The following TCF20 variants were observed in gnomAD, a reference collection of about 807,000 sequenced individuals.
TCF20 encodes transcription factor 20.
TCF20 carries 3 observed loss-of-function variants against 148.6 expected under a neutral mutation model. That is an observed-to-expected ratio of 0.02 (90% confidence interval 0.01 to 0.05). The LOEUF is 0.05. Ranked by LOEUF, TCF20 falls within the 10% of genes least tolerant of loss-of-function variation. The pLI is 1.00. For missense variants in TCF20, 2,350 were observed against 2,429.3 expected, an observed-to-expected ratio of 0.97 and a Z score of 0.69; for synonymous variants, 1,049 against 909.5, an observed-to-expected ratio of 1.15 and a Z score of -2.76.
rs151168657 is a variant in TCF20 at position 42,333,884 on chromosome 22, C to T, written c.-37+9595G>A. The stretch of plus-strand genomic sequence containing the variant: ...ACCACGATGGCTCCTCCAGGTGCCA[C>T]TGGGACACAGGACCATAGGCACAAG... On this transcript the variant is annotated intron_variant, in intron 1 of 1. Coordinates refer to the TCF20 transcript ENST00000515426. Among the ~76,000 whole-genome samples, 739 of 152,364 alleles carry T rather than the reference C, an allele frequency of 4.9e-3. 3 individuals carry two copies. Among genetic ancestry groups the T allele is most frequent in the African/African-American group, 0.016 (684 of 41,592 alleles).
At chr22:42,271,479 G>C (rs1926619187), upstream of TCF20, among the ~76,000 whole-genome samples, 1 of 152,158 alleles carries the variant, frequency 6.6e-6, no homozygotes, top group Non-Finnish European at 1.5e-5. Flanking sequence ...GCAAAGGAAG[G>C]GCTTGACTTC....
At chr22:42,191,585 A>T (rs1937338499) in intron 2 of TCF20, among the ~76,000 whole-genome samples, 1 of 152,198 alleles carries the variant, frequency 6.6e-6, no homozygotes, top group African/African-American at 2.4e-5. Context: ...CACTGCACCC[A>T]GCCTGCATTT....
intron 4 of TCF20, among the ~76,000 whole-genome samples, chr22:42,169,562 G>C (rs1202475980): frequency 6.6e-6 from 1 of 152,202 alleles, no homozygotes; most frequent in Non-Finnish European, 1.5e-5. Flanking sequence ...TGGCTTGATC[G>C]AGTTAGATAT....
intron 1 of TCF20, 126 bp from the exon 2 acceptor site, chr22:42,215,467 ATTTT>A: frequency 1.6e-5 from 16 of 1,012,368 alleles, no homozygotes; most frequent in Non-Finnish European, 2.1e-5. Context: ...TTGAATTTCT[ATTTT>A]TTTTTTTTGG....
Position 42,323,910 on chromosome 22 carries a change from G to GGTGGTGGTA in TCF20, c.-37+19568_-37+19569insTACCACCAC, listed in dbSNP as rs1163923849. On this transcript the variant is annotated intron_variant, in intron 1 of 1. Coordinates refer to the TCF20 transcript ENST00000515426. The stretch of plus-strand genomic sequence containing the variant: ...TGGAGGTTATGGTGGTGGAGGTGGT[G>GGTGGTGGTA]GTGGTGATGGAGGTTATGGTGGTGG... 2.6e-4 allele frequency among the ~76,000 whole-genome samples: 33 copies of GGTGGTGGTA among 126,354 alleles called. 3 individuals carry two copies. In the East Asian group the frequency reaches 5.9e-3, roughly 23 times the overall value. 82.9% of individuals were successfully genotyped at this position (126,354 alleles called of 152,430 possible). A position where few individuals can be genotyped will look rare whatever the true frequency, so the allele number is the denominator to read the frequency against.
intron 1 of TCF20, among the ~76,000 whole-genome samples, chr22:42,262,343 G>A (rs1244816453): frequency 1.3e-5 from 2 of 152,154 alleles, no homozygotes; most frequent in Non-Finnish European, 2.9e-5. Flanking sequence ...AGCACTGACA[G>A]TAACTTGATG....
intron 2 of TCF20, among the ~76,000 whole-genome samples, chr22:42,188,065 A>G (rs8141134): frequency 0.75 from 114,169 of 151,558 alleles, 43,399 homozygotes; most frequent in African/African-American, 0.83. Flanking sequence ...AGGCCGAGGC[A>G]GGCGGATCAC....
chr22:42,334,000 A>G (rs1356663673), intron 1 of TCF20, among the ~76,000 whole-genome samples: 1 of 152,132 alleles, frequency 6.6e-6, no homozygotes, highest in Non-Finnish European at 1.5e-5. Context: ...GTTCCAGATG[A>G]GCCACCAGAT....
chr22:42,342,551 AG>A (rs1928186205), intron 1 of TCF20, among the ~76,000 whole-genome samples: 1 of 152,192 alleles, frequency 6.6e-6, no homozygotes, highest in South Asian at 2.1e-4. Flanking sequence ...AGGTGAAGCC[AG>A]GGGGCTGTCC....
chr22:42,214,918 A>G lies in TCF20; in HGVS notation c.388T>C (p.Tyr130His). 1 of 1,614,146 alleles carries G rather than the reference A, an allele frequency of 6.2e-7. No individual in the cohort carries two copies. The change falls in exon 2 of 6, where the codon TAT (tyrosine) becomes CAT (histidine). Residue 130 changes from tyrosine to histidine, a missense_variant. Transcript: ENST00000677622. Reference protein sequence around the residue: ...PPQGSSFGNQYGSEGHVGQFQ... With the variant: ...PPQGSSFGNQHGSEGHVGQFQ... ...TGGCCCACATGACCCTCACTCCCAT[A>G]CTGATTGCCAAAGCTGCTCCCCTGG...
At position 42,168,556 on chromosome 22, in the gene TCF20, G is replaced by A. The variant is rs909090470; in HGVS notation, c.*44+53C>T. The A allele has an allele frequency of 7.2e-6, 11 of 1,534,202 alleles. No homozygotes were observed. The Middle Eastern group carries it at 9.2e-4, about 128-fold the overall frequency. On this transcript the variant is annotated intron_variant, in intron 5 of 5. Transcript: ENST00000677622. ...GAGCGAGCAGGAGGGCAGAGGCAAC[G>A]ACGCCTGCTGGGAGCCGGGCAGGAT...
rs1168816805 is a variant in TCF20 at position 42,270,475 on chromosome 22, C to CGGCGG, written c.-178_-174dup. On this transcript the variant is annotated 5_prime_UTR_variant, in exon 1 of 6. Coordinates refer to ENST00000677622, the MANE Select transcript of TCF20 (RefSeq NM_001378418.1). ...CCTCCAGCTCGGGCGCCCGGGCCGG[C>CGGCGG]GGCGGGGCGGGCCGGGGCCGCGGCC... is the stretch of plus-strand genomic sequence containing the variant. 4.3e-5 allele frequency among the ~76,000 whole-genome samples: 6 copies of CGGCGG among 140,878 alleles called. No individual in the cohort carries two copies. The highest frequency in any genetic ancestry group is 2.4e-4 in the South Asian group (1 of 4,184). The allele number at this position is 140,878 out of a possible 152,430, so 92.4% of individuals were successfully genotyped here.
intron 1 of TCF20, among the ~76,000 whole-genome samples, chr22:42,218,515 A>C (rs1212281284): frequency 1.3e-5 from 2 of 152,198 alleles, no homozygotes; most frequent in Admixed American, 1.3e-4. Flanking sequence ...AGATAAAACA[A>C]GGCTGAATGG....
At chr22:42,163,552 G>A (rs1279144689) in intron 5 of TCF20, among the ~76,000 whole-genome samples, 3 of 152,220 alleles carry the variant, frequency 2.0e-5, no homozygotes, top group Admixed American at 2.0e-4. Context: ...CAGTAACGTG[G>A]ATCTGCCTGA....
intron 1 of TCF20, among the ~76,000 whole-genome samples, chr22:42,294,643 A>T (rs552376382): frequency 6.6e-6 from 1 of 152,352 alleles, no homozygotes; most frequent in African/African-American, 2.4e-5. Flanking sequence ...GATGGAGGCC[A>T]GGCTAGGCTC....
intron 1 of TCF20, among the ~76,000 whole-genome samples, chr22:42,233,336 C>T (rs186525897): frequency 8.6e-4 from 131 of 152,308 alleles, no homozygotes; most frequent in African/African-American, 2.7e-3. Flanking sequence ...TAAGGTTATA[C>T]AGCCAGTCAG....
intron 1 of TCF20, among the ~76,000 whole-genome samples, chr22:42,335,260 C>T (rs1928046403): frequency 6.6e-6 from 1 of 152,164 alleles, no homozygotes; most frequent in African/African-American, 2.4e-5. Context: ...CCTTCTCCTG[C>T]CCCTGATAAA....
chr22:42,163,641 GC>G (rs1935598607), intron 5 of TCF20, among the ~76,000 whole-genome samples: 1 of 152,240 alleles, frequency 6.6e-6, no homozygotes, highest in Admixed American at 6.5e-5. Flanking sequence ...TGGGACTGGG[GC>G]TTTCCCAACT....
chr22:42,259,594 G>T (rs1255590002), intron 1 of TCF20, among the ~76,000 whole-genome samples: 1 of 152,016 alleles, frequency 6.6e-6, no homozygotes, highest in African/African-American at 2.4e-5. Flanking sequence ...TCCAATATTC[G>T]CTTCCTCAGT....
Sources: allele counts gnomAD v4.1 joint callset (sites outside exome capture counted in the v4.1 genomes callset), GRCh38; gene constraint gnomAD v4.1.1; transcripts MANE v1.5; gene names NCBI Gene and HGNC (gene_info 2026-07-23, HGNC 2026-07-21).